Variants in GK5 observed in about 807,000 individuals in gnomAD.
GK5 encodes ATP:glycerol 3-phosphotransferase 5.
GK5 carries 39 observed loss-of-function variants against 77.3 expected under a neutral mutation model. The observed-to-expected ratio is 0.50, with a 90% CI of 0.39 to 0.66. The LOEUF (loss-of-function observed/expected upper bound fraction) is 0.66, where lower values mean the gene tolerates loss of function less well. Ranked by LOEUF, GK5 falls within the 30% of genes least tolerant of loss-of-function variation. The pLI, the probability that GK5 is intolerant of heterozygous loss-of-function variation, is 0.00. For synonymous variants in GK5, 211 were observed against 208.0 expected (o/e 1.01, Z -0.13); for missense variants, 487 against 633.8 (o/e 0.77, Z 2.49).
intron 3 of GK5, among the ~76,000 whole-genome samples, chr3:142,212,688 A>T (rs1462219937): frequency 6.6e-6 from 1 of 152,214 alleles, no homozygotes; most frequent in Non-Finnish European, 1.5e-5. Context: ...CTGTAAAAAC[A>T]GATATGATGC....
At chr3:142,168,726 A>AC (rs935264062) in intron 15 of GK5, among the ~76,000 whole-genome samples, 2 of 43,376 alleles carry the variant, frequency 4.6e-5, no homozygotes, top group African/African-American at 8.7e-5. Flanking sequence ...TATGGTCCCC[A>AC]CCCCCCCACC....
In GK5 at chr3:142,163,165, T is replaced by C. The variant is rs2063438355; in HGVS notation, c.*2457A>G. 6.6e-6 allele frequency: 1 copy of C among 152,054 alleles called. No homozygotes were observed. Among genetic ancestry groups the C allele is most frequent in the African/African-American group, 2.4e-5 (1 of 41,412 alleles). The allele number at this position is 152,054 out of a possible 1,614,324, so 9.4% of individuals were successfully genotyped here. A position where few individuals can be genotyped will look rare whatever the true frequency, so the allele number is the denominator to read the frequency against. On this transcript the variant is annotated 3_prime_UTR_variant, in exon 16 of 16. Transcript: ENST00000392993. ...GCCACAAATATTAAAAATAAAATAT[T>C]AGTTTTTAGATTCACAGAAGAAAAA...
intron 15 of GK5, among the ~76,000 whole-genome samples, chr3:142,169,077 T>G (rs1462283942): frequency 6.6e-6 from 1 of 152,230 alleles, no homozygotes; most frequent in Non-Finnish European, 1.5e-5. Flanking sequence ...GACTTACCTG[T>G]CTCCTCCCAC....
rs533668898 is a variant in GK5 at position 142,200,094 on chromosome 3, T to TAC, written c.412-1162_412-1161insGT. ...CTCACACCTTCTTTATTTCTATATA[T>TAC]ATATACACACACACACACACACACA... is the stretch of plus-strand genomic sequence containing the variant. On this transcript the variant is annotated intron_variant, in intron 4 of 15. Coordinates refer to ENST00000392993, the MANE Select transcript of GK5 (RefSeq NM_001039547.3). Among the ~76,000 whole-genome samples the TAC allele has an allele frequency of 1.8e-3, 267 of 148,552 alleles. 1 individual carries two copies. The highest frequency in any genetic ancestry group is 3.1e-3 in the Non-Finnish European group (211 of 67,888).
At position 142,208,182 on chromosome 3, in the gene GK5, T is replaced by A. The variant is rs187946825; in HGVS notation, c.318-3394A>T. Among the ~76,000 whole-genome samples the A allele has an allele frequency of 1.3e-4, 20 of 152,372 alleles. No individual in the cohort carries two copies. The East Asian group carries it at 3.7e-3, about 28-fold the overall frequency. The stretch of plus-strand genomic sequence containing the variant: ...ATTAATTTTAACATAGCTTACTTAT[T>A]ATTTATAATTAAATTTAGGGTAATT... On this transcript the variant is annotated intron_variant, in intron 3 of 15. Transcript: ENST00000392993.
At chr3:142,195,130 T>G (rs1272831335) in intron 5 of GK5, among the ~76,000 whole-genome samples, 2 of 151,972 alleles carry the variant, frequency 1.3e-5, no homozygotes, top group African/African-American at 4.8e-5. Flanking sequence ...TGATCATGTG[T>G]TTTTTTGTCC....
chr3:142,209,608 T>A (rs936748374), intron 3 of GK5, among the ~76,000 whole-genome samples: 2 of 152,238 alleles, frequency 1.3e-5, no homozygotes, highest in Non-Finnish European at 2.9e-5. Flanking sequence ...TTTACATCAT[T>A]CTGTGGCTCT....
chr3:142,213,534 C>T lies in GK5; in HGVS notation c.309G>A (p.Thr103=), dbSNP rs748068625. 44 of 1,597,494 alleles carry T rather than the reference C, an allele frequency of 2.8e-5. 1 individual carries two copies. In the South Asian group the frequency reaches 3.9e-4, roughly 14 times the overall value. ...GISTQRATFI[T]WNKKTGNHFH... is the part of the protein sequence containing the mutation. ...TCACAGAATGTACTTACTTGTTCCA[C>T]GTAATAAAAGTTGCTCTCTGTGTTG... The change falls in exon 3 of 16, where the codon ACG becomes ACA. Residue 103 remains threonine (T), a synonymous_variant. Coordinates refer to ENST00000392993, the MANE Select transcript of GK5 (RefSeq NM_001039547.3).
intron 3 of GK5, among the ~76,000 whole-genome samples, chr3:142,212,231 G>C (rs1052142127): frequency 6.6e-6 from 1 of 152,068 alleles, no homozygotes; most frequent in African/African-American, 2.4e-5. Context: ...GGGGGATTTT[G>C]GGGGAGGGAA....
intron 6 of GK5, among the ~76,000 whole-genome samples, chr3:142,187,190 A>G (rs1419634829): frequency 1.3e-5 from 2 of 152,092 alleles, no homozygotes; most frequent in African/African-American, 4.8e-5. Flanking sequence ...TTTCATCACA[A>G]TTTATTTAAA....
Position 142,217,107 on chromosome 3 carries a change from T to C in GK5, c.148-1415A>G, listed in dbSNP as rs112435044. On this transcript the variant is annotated intron_variant, in intron 1 of 15. Transcript: ENST00000392993. ...CATTGGAAAAGATAATCAAGAAATGTCAATGCCAAGATGACACAGATATCT... is the reference window on the plus strand; with the variant it reads ...CATTGGAAAAGATAATCAAGAAATGCCAATGCCAAGATGACACAGATATCT... 5.6e-3 allele frequency among the ~76,000 whole-genome samples: 860 copies of C among 152,304 alleles called. 19 individuals are homozygous for C. The highest frequency in any genetic ancestry group is 0.02 in the African/African-American group (833 of 41,554).
chr3:142,185,978 C>G lies in GK5; in HGVS notation c.767G>C (p.Gly256Ala). ...ACCAAATATCTCTTCATCCACTGAT[C>G]CAAAATTGTGGCTTCAAATAAAATT... is the stretch of plus-strand genomic sequence containing the variant. The part of the protein sequence containing the change: ...PPVRDTSHNF[G>A]SVDEEIFGVP... The change falls in exon 9 of 16, where the codon GGA (glycine) becomes GCA (alanine). Residue 256 changes from glycine (G) to alanine (A), a missense_variant. Gly to Ala is a moderately conservative substitution (Grantham distance 60, BLOSUM62 0). Transcript: ENST00000392993. The G allele has an allele frequency of 6.2e-7, 1 of 1,606,658 alleles. No homozygotes were observed. Among genetic ancestry groups the G allele is most frequent in the Non-Finnish European group, 8.5e-7 (1 of 1,175,880 alleles).
At chr3:142,170,608 G>A (rs2063524606) in intron 14 of GK5, 150 bp from the exon 15 acceptor site, 1 of 640,880 alleles carries the variant, frequency 1.6e-6, no homozygotes, top group Non-Finnish European at 2.6e-6. Context: ...TTAACCTAAT[G>A]ACAGAGAACC....
At chr3:142,167,430 T>TAA (rs2063486480) in intron 15 of GK5, among the ~76,000 whole-genome samples, 1 of 152,130 alleles carries the variant, frequency 6.6e-6, no homozygotes, top group Non-Finnish European at 1.5e-5. Context: ...GACAAGTTTT[T>TAA]AAAAGAAAAA....
In GK5 at chr3:142,163,250, T is replaced by C. The variant is rs2108776631; in HGVS notation, c.*2372A>G. The C allele has an allele frequency of 6.6e-6, 1 of 151,158 alleles. No individual in the cohort carries two copies. The allele number at this position is 151,158 out of a possible 1,614,324, so 9.4% of individuals were successfully genotyped here. A position where few individuals can be genotyped will look rare whatever the true frequency, so the allele number is the denominator to read the frequency against. ...CGATGAGGGACATTCAAAGTTACTT[T>C]CCAACATTATCTGAAAAGTATTGAT... On this transcript the variant is annotated 3_prime_UTR_variant, in exon 16 of 16. Transcript: ENST00000392993.
chr3:142,179,663 G>A (rs1008999886), intron 11 of GK5, among the ~76,000 whole-genome samples: 1 of 152,186 alleles, frequency 6.6e-6, no homozygotes, highest in African/African-American at 2.4e-5. Flanking sequence ...AAAACAAAGA[G>A]AGATTATCTT....
intron 5 of GK5, among the ~76,000 whole-genome samples, chr3:142,196,396 T>C (rs2063934007): frequency 6.6e-6 from 1 of 152,076 alleles, no homozygotes; most frequent in East Asian, 1.9e-4. Flanking sequence ...GGTAGAATGG[T>C]AGACTATTGA....
chr3:142,223,577 G>A (rs545816610), intron 1 of GK5, among the ~76,000 whole-genome samples: 5 of 152,360 alleles, frequency 3.3e-5, no homozygotes, highest in Admixed American at 6.5e-5. Flanking sequence ...AGTGGCACAC[G>A]CCTATAATCC....
At chr3:142,183,120 A>C in intron 9 of GK5, 71 bp from the exon 10 acceptor site, 1 of 1,305,338 alleles carries the variant, frequency 7.7e-7, no homozygotes, top group Admixed American at 2.0e-5. Flanking sequence ...GCATTGTCTC[A>C]CTTATTGTAC....
Sources: allele counts gnomAD v4.1 joint callset (sites outside exome capture counted in the v4.1 genomes callset), GRCh38; gene constraint gnomAD v4.1.1; transcripts MANE v1.5; gene names NCBI Gene and HGNC (gene_info 2026-07-23, HGNC 2026-07-21).